Variants in SYDE2 observed in about 807,000 individuals in gnomAD.
SYDE2 encodes rho GTPase-activating protein SYDE2.
Under a neutral mutation model 91.5 loss-of-function variants are expected in SYDE2, and 76 were observed. The ratio of observed to expected loss-of-function variants is 0.83; its 90% CI spans 0.69 to 1.01. SYDE2 has a LOEUF of 1.01. Ranked by LOEUF, SYDE2 falls within the 50% of genes least tolerant of loss-of-function variation. The pLI is 0.00. For synonymous variants in SYDE2, 513 were observed against 506.4 expected, an observed-to-expected ratio of 1.01 and a Z score of -0.18; for missense variants, 1,364 against 1,367.7, an observed-to-expected ratio of 1.00 and a Z score of 0.04.
chr1:85,162,072 C>T (rs11161537), intron 6 of SYDE2, among the ~76,000 whole-genome samples: 5,365 of 152,106 alleles, frequency 0.035, 328 homozygotes, highest in African/African-American at 0.12. Flanking sequence ...AATGCTGATA[C>T]GCTGAAGTTC....
Position 85,190,475 on chromosome 1 carries a change from C to T in SYDE2, c.1023G>A (p.Val341=). Residue 341 remains valine (V), a synonymous_variant, in exon 2 of 7, where the codon GTG becomes GTA. Coordinates refer to ENST00000341460, the MANE Select transcript of SYDE2 (RefSeq NM_032184.2). Reference sequence around the variant, plus strand: ...ATGAAGAGTTTGTAGCGTTACATACCACATATGTACAGTACTCTTTAGATG... The same window carrying T: ...ATGAAGAGTTTGTAGCGTTACATACTACATATGTACAGTACTCTTTAGATG... ...LKSSKEYCTY[V]VCNATNSSLS... 1 of 1,613,820 alleles carries T rather than the reference C, an allele frequency of 6.2e-7. No homozygotes were observed. The highest frequency in any genetic ancestry group is 8.5e-7 in the Non-Finnish European group (1 of 1,179,818).
chr1:85,182,004 T>G, intron 3 of SYDE2, 94 bp downstream of exon 3: 1 of 1,293,996 alleles, frequency 7.7e-7, no homozygotes, highest in Middle Eastern at 2.7e-4. Context: ...ATATCTAAAT[T>G]TGATTTTTTT....
intron 4 of SYDE2, among the ~76,000 whole-genome samples, chr1:85,172,886 T>A (rs763218231): frequency 2.6e-5 from 4 of 152,084 alleles, no homozygotes; most frequent in Non-Finnish European, 5.9e-5. Flanking sequence ...CACACGCAGG[T>A]GGGGCAACTC....
At position 85,158,405 on chromosome 1, in the gene SYDE2, C is replaced by G. The variant is rs1024371438; in HGVS notation, c.*345G>C. 1.1e-5 allele frequency: 2 copies of G among 186,184 alleles called. No homozygotes were observed. Among genetic ancestry groups the G allele is most frequent in the Non-Finnish European group, 2.2e-5 (2 of 92,332 alleles). 11.5% of individuals were successfully genotyped at this position (186,184 alleles called of 1,614,324 possible). ...AAACAACAAAAAAAAGGACATCTGT[C>G]TCAGCTACAGAAGAGTGGTTCCCAT... On this transcript the variant is annotated 3_prime_UTR_variant, in exon 7 of 7. Transcript: ENST00000341460.
intron 1 of SYDE2, chr1:85,194,766 T>C (rs1658513307): frequency 1.1e-6 from 1 of 934,898 alleles, no homozygotes; most frequent in Non-Finnish European, 1.3e-6. Context: ...TATTATTTCA[T>C]AATAAATCTA....
intron 2 of SYDE2, among the ~76,000 whole-genome samples, chr1:85,186,264 G>T (rs1201749790): frequency 6.6e-6 from 1 of 151,854 alleles, no homozygotes; most frequent in East Asian, 1.9e-4. Flanking sequence ...TCTCTTTTTT[G>T]GTTGTGTCTC....
Position 85,157,868 on chromosome 1 carries a change from T to C in SYDE2, c.*882A>G, listed in dbSNP as rs1225039884. On this transcript the variant is annotated 3_prime_UTR_variant, in exon 7 of 7. Transcript: ENST00000341460. ...ATACATATATGCATTTATAAATATA[T>C]ACAGTTTCAGGATTATAAAAATATT... 4 of 152,184 alleles carry C rather than the reference T, an allele frequency of 2.6e-5. No homozygotes were observed. The highest frequency in any genetic ancestry group is 1.3e-4 in the Admixed American group (2 of 15,280). The allele number at this position is 152,184 out of a possible 1,614,324, so 9.4% of individuals were successfully genotyped here. A position where few individuals can be genotyped will look rare whatever the true frequency, so the allele number is the denominator to read the frequency against.
At chr1:85,165,599 T>TAA (rs1370142060) in intron 5 of SYDE2, among the ~76,000 whole-genome samples, 11 of 150,670 alleles carry the variant, frequency 7.3e-5, no homozygotes, top group South Asian at 2.1e-4. Context: ...AATAAATAAA[T>TAA]ATATATATGT....
rs561025226 is a variant in SYDE2, at chr1:85,183,025, A to C, written c.1617T>G (p.Phe539Leu). The change falls in exon 3 of 7, where the codon TTT becomes TTG. Residue 539 changes from phenylalanine to leucine, a missense_variant. Phe to Leu is a conservative substitution (Grantham distance 22). Coordinates refer to ENST00000341460, the MANE Select transcript of SYDE2 (RefSeq NM_032184.2). ...TTCCCTTAACGCTTAGCTTTCGGCT[A>C]AATTCTGGCAACTTTTTCATTTTCA... is the stretch of plus-strand genomic sequence containing the variant. Reference protein sequence around the residue: ...LSMKMKKLPEFSRKLSVKGTL... With the variant: ...LSMKMKKLPELSRKLSVKGTL... 6.2e-7 allele frequency: 1 copy of C among 1,613,166 alleles called. No homozygotes were observed. Among genetic ancestry groups the C allele is most frequent in the African/African-American group, 1.3e-5 (1 of 74,960 alleles).
At chr1:85,193,005 C>T (rs759828475) in intron 1 of SYDE2, among the ~76,000 whole-genome samples, 11 of 152,128 alleles carry the variant, frequency 7.2e-5, no homozygotes, top group Non-Finnish European at 1.5e-4. Flanking sequence ...TACTCAAAAA[C>T]GCCAAGTAAC....
chr1:85,163,480 T>TATATATAA (rs1216698478), intron 6 of SYDE2, among the ~76,000 whole-genome samples: 37 of 134,632 alleles, frequency 2.7e-4, no homozygotes, highest in African/African-American at 8.9e-4. Flanking sequence ...TATATATATA[T>TATATATAA]AACAAAAGAG....
chr1:85,160,456 T>C (rs1657019973), intron 6 of SYDE2: 1 of 943,372 alleles, frequency 1.1e-6, no homozygotes, highest in Non-Finnish European at 1.3e-6. Flanking sequence ...TCACTATAGA[T>C]AGCCAAAATT....
chr1:85,161,910 T>TA (rs556197858), intron 6 of SYDE2, among the ~76,000 whole-genome samples: 35 of 152,116 alleles, frequency 2.3e-4, no homozygotes, highest in Middle Eastern at 3.4e-3. Context: ...ATAAAACAGA[T>TA]AAAAAAGAAG....
chr1:85,185,463 A>G (rs1242579361), intron 2 of SYDE2, among the ~76,000 whole-genome samples: 2 of 151,052 alleles, frequency 1.3e-5, no homozygotes, highest in Admixed American at 1.3e-4. Flanking sequence ...ATTTCTTTGT[A>G]TCCTCTTTTA....
chr1:85,167,634 A>G (rs1031038447), intron 5 of SYDE2, among the ~76,000 whole-genome samples: 2 of 152,204 alleles, frequency 1.3e-5, no homozygotes, highest in Non-Finnish European at 2.9e-5. Context: ...TAATTTTTGT[A>G]GAGACGGTTT....
In SYDE2 at chr1:85,190,746, A is replaced by G; in HGVS notation, c.752T>C (p.Phe251Ser). Residue 251 changes from phenylalanine (F) to serine (S), a missense_variant, in exon 2 of 7, where the codon TTT (phenylalanine) becomes TCT (serine). Coordinates refer to ENST00000341460, the MANE Select transcript of SYDE2 (RefSeq NM_032184.2). ...CATTGAAGACCCATAGGCATTTTCA[A>G]ATAAATCTGTTGCAAAGATAGAATA... is the stretch of plus-strand genomic sequence containing the variant. ...PDQRITLTDL[F>S]ENAYGSSMKG... 1 of 1,591,420 alleles carries G rather than the reference A, an allele frequency of 6.3e-7. No individual in the cohort carries two copies. Among genetic ancestry groups the G allele is most frequent in the East Asian group, 2.2e-5 (1 of 44,632 alleles).
chr1:85,155,332 T>G (rs115918939), downstream of SYDE2, among the ~76,000 whole-genome samples: 4,421 of 152,280 alleles, frequency 0.029, 105 homozygotes, highest in Non-Finnish European at 0.04. Flanking sequence ...AGCAAGTGTT[T>G]TTCTTCTGTC....
chr1:85,167,145 TTGAGGCTGCAG>T (rs1657313283), intron 5 of SYDE2, among the ~76,000 whole-genome samples: 1 of 149,508 alleles, frequency 6.7e-6, no homozygotes, highest in African/African-American at 2.5e-5. Context: ...GCCGGGGAGG[TTGAGGCTGCAG>T]TGAGCTGTGT....
intron 5 of SYDE2, among the ~76,000 whole-genome samples, chr1:85,165,245 G>C (rs1657223645): frequency 6.6e-6 from 1 of 152,062 alleles, no homozygotes; most frequent in Non-Finnish European, 1.5e-5. Context: ...AAAAAATTAT[G>C]TTCCAACAAC....
Sources: allele counts gnomAD v4.1 joint callset (sites outside exome capture counted in the v4.1 genomes callset), GRCh38; gene constraint gnomAD v4.1.1; transcripts MANE v1.5; gene names NCBI Gene and HGNC (gene_info 2026-07-23, HGNC 2026-07-21).